The following SPARC variants were observed in gnomAD, a reference collection of about 807,000 sequenced individuals.
SPARC encodes basement-membrane protein 40.
A neutral mutation model predicts 37.7 loss-of-function variants in SPARC; 23 were observed. That is an observed-to-expected ratio of 0.61 (90% CI 0.44 to 0.87). The LOEUF (loss-of-function observed/expected upper bound fraction) is 0.87. SPARC is among the 40% of genes least tolerant of loss of function. SPARC has a pLI of 0.00. For synonymous variants in SPARC, 155 were observed against 150.8 expected, an observed-to-expected ratio of 1.03 and a Z score of -0.20; for missense variants, 312 against 389.0, an observed-to-expected ratio of 0.80 and a Z score of 1.66.
chr5:151,676,967 G>A (rs1760871539), intron 1 of SPARC: 1 of 152,202 alleles, frequency 6.6e-6, no homozygotes, highest in Non-Finnish European at 1.5e-5. Context: ...ACTTCTTTAG[G>A]TCCTGTACGG....
rs541311431 is a variant in SPARC, at chr5:151,665,331, CATA to C, written c.734+1027_734+1029del. On this transcript the variant is annotated intron_variant, in intron 8 of 9. Transcript: ENST00000231061. ...CCCCTTTGACTTTTCCCCTCCCTGC[CATA>C]ATGAGTGACTCAGTTGGATCCCAGC... Among the ~76,000 whole-genome samples, 187 of 152,314 alleles carry C rather than the reference CATA, an allele frequency of 1.2e-3. 2 individuals are homozygous for C. The highest frequency in any genetic ancestry group is 4.3e-3 in the African/African-American group (178 of 41,568).
chr5:151,664,659 T>C (rs573286606), intron 8 of SPARC, among the ~76,000 whole-genome samples: 1 of 152,336 alleles, frequency 6.6e-6, no homozygotes, highest in Non-Finnish European at 1.5e-5. Context: ...ATATTGTCTA[T>C]GGACACACAT....
At chr5:151,665,758 G>T (rs1407052994) in intron 8 of SPARC, among the ~76,000 whole-genome samples, 1 of 152,256 alleles carries the variant, frequency 6.6e-6, no homozygotes, top group Non-Finnish European at 1.5e-5. Flanking sequence ...GCCTAGAATA[G>T]TGCAGGGCAC....
chr5:151,677,494 A>G (rs998511042), intron 1 of SPARC, among the ~76,000 whole-genome samples: 2 of 152,220 alleles, frequency 1.3e-5, no homozygotes, highest in Non-Finnish European at 2.9e-5. Flanking sequence ...ATGGAGAAAA[A>G]TACTCAGCTT....
chr5:151,671,032 A>G (rs993643120), intron 5 of SPARC, among the ~76,000 whole-genome samples: 2 of 152,206 alleles, frequency 1.3e-5, no homozygotes, highest in African/African-American at 2.4e-5. Context: ...GATGGATCCT[A>G]TTGGAGAGAA....
chr5:151,662,301 G>A lies in SPARC; in HGVS notation c.*1270C>T, dbSNP rs1760522319. 9.1e-6 allele frequency: 1 copy of A among 109,330 alleles called. No homozygotes were observed. Among genetic ancestry groups the A allele is most frequent in the South Asian group, 2.8e-4 (1 of 3,514 alleles). The allele number at this position is 109,330 out of a possible 1,614,324, so 6.8% of individuals were successfully genotyped here. The stretch of plus-strand genomic sequence containing the variant: ...AACATGCCGGTGTGTGTGTACAGGT[G>A]TGTGTGTGCAAAAGCATAATGTGTT... On this transcript the variant is annotated 3_prime_UTR_variant, in exon 10 of 10. Transcript: ENST00000231061.
intron 4 of SPARC, chr5:151,672,488 A>T (rs1356987075): frequency 6.6e-6 from 1 of 152,556 alleles, no homozygotes; most frequent in Non-Finnish European, 1.5e-5. Context: ...ATGCTAAGCA[A>T]GCTGGCGTGG....
At chr5:151,663,899 T>C (rs546558257) in intron 9 of SPARC, among the ~76,000 whole-genome samples, 188 bp downstream of exon 9, 7 of 151,844 alleles carry the variant, frequency 4.6e-5, no homozygotes, top group African/African-American at 1.7e-4. Flanking sequence ...AGAGGGACAG[T>C]TGGATGGACA....
At chr5:151,676,259 C>T (rs1024831572) in intron 1 of SPARC, 58 bp from the exon 2 acceptor site, 4 of 1,206,370 alleles carry the variant, frequency 3.3e-6, no homozygotes, top group Non-Finnish European at 4.8e-6. Flanking sequence ...TGGAGATTTC[C>T]TTCTGAATTC....
chr5:151,663,870 G>A (rs930645566), intron 9 of SPARC, among the ~76,000 whole-genome samples: 6 of 152,184 alleles, frequency 3.9e-5, no homozygotes, highest in Non-Finnish European at 5.9e-5. Flanking sequence ...GAGTGCTAAC[G>A]CTTGAGGAAG....
chr5:151,674,802 G>A (rs1264996249), intron 2 of SPARC, 128 bp from the exon 3 acceptor site: 1 of 818,296 alleles, frequency 1.2e-6, no homozygotes, highest in Non-Finnish European at 2.0e-6. Context: ...CCCCAAAGTT[G>A]TGCCTCATGG....
In SPARC at chr5:151,676,158, G is replaced by A; in HGVS notation, c.31C>T (p.Leu11=). The change falls in exon 2 of 10, where the codon CTG becomes TTG. Residue 11 remains leucine, a synonymous_variant. Coordinates refer to ENST00000231061, the MANE Select transcript of SPARC (RefSeq NM_003118.4). The part of the protein sequence containing the change: MRAWIFFLLC[L]AGRALAAPQQ... ...GGGGCTGCCAAGGCCCTCCCGGCCA[G>A]GCAAAGGAGAAAGAAGATCCAGGCC... 2 of 1,612,484 alleles carry A rather than the reference G, an allele frequency of 1.2e-6. No homozygotes were observed. Among genetic ancestry groups the A allele is most frequent in the Non-Finnish European group, 1.7e-6 (2 of 1,179,500 alleles).
At chr5:151,683,535 T>G (rs533424862) in intron 1 of SPARC, among the ~76,000 whole-genome samples, 1 of 152,330 alleles carries the variant, frequency 6.6e-6, no homozygotes, top group African/African-American at 2.4e-5. Context: ...CTCTGAGACA[T>G]AGAGGTGGTT....
At chr5:151,672,401 A>C (rs902742539) in intron 4 of SPARC, among the ~76,000 whole-genome samples, 1 of 152,020 alleles carries the variant, frequency 6.6e-6, no homozygotes, top group Non-Finnish European at 1.5e-5. Flanking sequence ...TTGTCTGAAA[A>C]CTTCCCGGCA....
At chr5:151,675,726 AC>A (rs1760841002) in intron 2 of SPARC, among the ~76,000 whole-genome samples, 2 of 152,074 alleles carry the variant, frequency 1.3e-5, no homozygotes, top group African/African-American at 2.4e-5. Context: ...CAACCAAACA[AC>A]CCTCACTGTT....
Position 151,671,634 on chromosome 5 carries a change from G to T in SPARC, c.269C>A (p.Thr90Asn), listed in dbSNP as rs577624924. The change falls in exon 5 of 10, where the codon ACC becomes AAC. Residue 90 changes from threonine to asparagine, a missense_variant. By Grantham distance (65) the Thr-to-Asn change is moderately conservative. Transcript: ENST00000231061. ...GGGGTCCTGGCACACGCACATGGGG[G>T]TGTTGTTCTCATCCAGCTCGCACAC... Reference protein sequence around the residue: ...GKVCELDENNTPMCVCQDPTS... With the variant: ...GKVCELDENNNPMCVCQDPTS... 1.9e-6 allele frequency: 3 copies of T among 1,610,484 alleles called. No homozygotes were observed. The highest frequency in any genetic ancestry group is 2.5e-6 in the Non-Finnish European group (3 of 1,178,130).
intron 5 of SPARC, 123 bp downstream of exon 5, chr5:151,671,450 G>T: frequency 8.3e-7 from 1 of 1,203,406 alleles, no homozygotes; most frequent in Non-Finnish European, 1.1e-6. Flanking sequence ...ACTAGGTCTA[G>T]CAAGGGGACT....
intron 5 of SPARC, among the ~76,000 whole-genome samples, chr5:151,670,492 A>T (rs1040756976): frequency 6.6e-6 from 1 of 152,226 alleles, no homozygotes; most frequent in Non-Finnish European, 1.5e-5. Flanking sequence ...CTTGGGAGTC[A>T]GTCAGTCTCC....
At chr5:151,669,623 C>A (rs1255507928) in intron 6 of SPARC, 41 bp downstream of exon 6, 6 of 1,604,422 alleles carry the variant, frequency 3.7e-6, no homozygotes, top group Non-Finnish European at 5.1e-6. Flanking sequence ...TCAGAGCTCT[C>A]TCCCCAAGAC....
Sources: allele counts gnomAD v4.1 joint callset (sites outside exome capture counted in the v4.1 genomes callset), GRCh38; gene constraint gnomAD v4.1.1; transcripts MANE v1.5; gene names NCBI Gene and HGNC (gene_info 2026-07-23, HGNC 2026-07-21).